HS3ST4: variants seen among roughly 807,000 people sequenced by gnomAD.
HS3ST4 encodes the protein heparan sulfate-glucosamine 3-sulfotransferase 4.
Under a neutral mutation model 29.2 loss-of-function variants are expected in HS3ST4, and 17 were observed. That is an observed-to-expected ratio of 0.58 (90% confidence interval 0.40 to 0.87). HS3ST4 has a LOEUF of 0.87. HS3ST4 is among the 40% of genes least tolerant of loss of function. HS3ST4 has a pLI of 0.00. For synonymous variants in HS3ST4, 314 were observed against 285.7 expected, an observed-to-expected ratio of 1.10 and a Z score of -1.00; for missense variants, 627 against 634.5, an observed-to-expected ratio of 0.99 and a Z score of 0.13.
intron 1 of HS3ST4, among the ~76,000 whole-genome samples, chr16:26,021,718 C>T (rs996878802): frequency 5.3e-5 from 8 of 152,086 alleles, no homozygotes; most frequent in Admixed American, 2.6e-4. Context: ...GGCTGGAGTG[C>T]AGTGGTGCGA....
At chr16:25,817,592 AGAAGAG>A (rs1967106808) in intron 1 of HS3ST4, among the ~76,000 whole-genome samples, 1 of 152,238 alleles carries the variant, frequency 6.6e-6, no homozygotes, top group Non-Finnish European at 1.5e-5. Context: ...GATGGTACCC[AGAAGAG>A]AGAAAGTATA....
intron 1 of HS3ST4, chr16:26,032,817 TG>T: frequency 6.4e-7 from 1 of 1,570,206 alleles, no homozygotes; most frequent in Non-Finnish European, 8.7e-7. Context: ...GGCATGGTGG[TG>T]GCGGCGACGG....
rs138849459 is a variant in HS3ST4, at chr16:25,799,574, C to A, written c.734+106423C>A. On this transcript the variant is annotated intron_variant, in intron 1 of 1. Transcript: ENST00000331351. ...ATCATATTATACCTGCTGCTCTCAGCACAGTTATTACCAATGTGAACTCTG... is the reference window on the plus strand; with the variant it reads ...ATCATATTATACCTGCTGCTCTCAGAACAGTTATTACCAATGTGAACTCTG... Among the ~76,000 whole-genome samples, 4 of 152,264 alleles carry A rather than the reference C, an allele frequency of 2.6e-5. No homozygotes were observed. In the East Asian group the frequency reaches 7.7e-4, roughly 29 times the overall value.
intron 1 of HS3ST4, among the ~76,000 whole-genome samples, chr16:26,040,380 T>G (rs2141758347): frequency 6.6e-6 from 1 of 151,858 alleles, no homozygotes; most frequent in Middle Eastern, 3.4e-3. Context: ...CGCTTCTCAC[T>G]GCAACATCTG....
intron 1 of HS3ST4, among the ~76,000 whole-genome samples, chr16:25,734,176 C>G (rs952441417): frequency 1.1e-4 from 16 of 152,224 alleles, no homozygotes; most frequent in Admixed American, 9.2e-4. Context: ...AGGTGTGCTT[C>G]TCTTTTCTGG....
In HS3ST4 at chr16:26,137,154, C is replaced by T. The variant is rs1262054344; in HGVS notation, c.*906C>T. 6.6e-6 allele frequency: 1 copy of T among 152,004 alleles called. No homozygotes were observed. The highest frequency in any genetic ancestry group is 2.4e-5 in the African/African-American group (1 of 41,386). The allele number at this position is 152,004 out of a possible 1,614,324, so 9.4% of individuals were successfully genotyped here. ...TCCTCTTGGTGGGAGGTTACCTTAC[C>T]TGAAGACCATCTCTCCCAAGCACTG... On this transcript the variant is annotated 3_prime_UTR_variant, in exon 2 of 2. Coordinates refer to ENST00000331351, the MANE Select transcript of HS3ST4 (RefSeq NM_006040.3).
intron 1 of HS3ST4, among the ~76,000 whole-genome samples, chr16:25,757,191 A>T (rs886695150): frequency 6.6e-6 from 1 of 152,174 alleles, no homozygotes; most frequent in Non-Finnish European, 1.5e-5. Flanking sequence ...CAGCCTGTGT[A>T]ACTGTACTTG....
intron 1 of HS3ST4, among the ~76,000 whole-genome samples, chr16:25,881,423 AAATTAAG>A (rs2141664210): frequency 6.6e-6 from 1 of 152,294 alleles, no homozygotes; most frequent in East Asian, 1.9e-4. Flanking sequence ...TAGACATGTA[AAATTAAG>A]ATGAAACTGT....
chr16:25,780,530 G>T (rs1239665280), intron 1 of HS3ST4, among the ~76,000 whole-genome samples: 1 of 152,176 alleles, frequency 6.6e-6, no homozygotes, highest in African/African-American at 2.4e-5. Flanking sequence ...TATTATTTAA[G>T]CCATCCCTAA....
intron 1 of HS3ST4, among the ~76,000 whole-genome samples, chr16:26,103,273 C>T (rs539676432): frequency 4.2e-4 from 64 of 152,004 alleles, no homozygotes; most frequent in Non-Finnish European, 7.1e-4. Context: ...AAATTGAGGC[C>T]CAAAACACAA....
intron 1 of HS3ST4, among the ~76,000 whole-genome samples, chr16:25,719,888 G>A (rs1183643429): frequency 6.6e-6 from 1 of 152,136 alleles, no homozygotes; most frequent in Non-Finnish European, 1.5e-5. Flanking sequence ...ATACACCAGT[G>A]AGCAAAACAA....
intron 1 of HS3ST4, among the ~76,000 whole-genome samples, chr16:25,877,627 C>T (rs1967846165): frequency 1.3e-5 from 2 of 152,140 alleles, no homozygotes; most frequent in African/African-American, 4.8e-5. Flanking sequence ...GGATTCTTAC[C>T]TAGAACCTTT....
chr16:25,706,387 A>G (rs1246024311), intron 1 of HS3ST4, among the ~76,000 whole-genome samples: 2 of 151,930 alleles, frequency 1.3e-5, no homozygotes, highest in African/African-American at 4.8e-5. Context: ...ATCTTTTTTA[A>G]TATATATATT....
At chr16:26,130,487 C>T (rs763589579) in intron 1 of HS3ST4, among the ~76,000 whole-genome samples, 1 of 152,134 alleles carries the variant, frequency 6.6e-6, no homozygotes, top group African/African-American at 2.4e-5. Flanking sequence ...ATGTCAGACA[C>T]TGTGTTTGGC....
intron 1 of HS3ST4, among the ~76,000 whole-genome samples, chr16:25,742,581 AT>A (rs1450567739): frequency 6.6e-6 from 1 of 152,228 alleles, no homozygotes; most frequent in Non-Finnish European, 1.5e-5. Flanking sequence ...TATTAGAAGA[AT>A]AAGGGTGAAT....
At chr16:26,003,832 A>G (rs987147875) in intron 1 of HS3ST4, among the ~76,000 whole-genome samples, 1 of 152,056 alleles carries the variant, frequency 6.6e-6, no homozygotes, top group Non-Finnish European at 1.5e-5. Flanking sequence ...CAGGGTGGGA[A>G]AAGTAGACTT....
intron 1 of HS3ST4, among the ~76,000 whole-genome samples, chr16:25,730,710 G>GTCCTTCCT (rs960872601): frequency 8.9e-6 from 1 of 112,512 alleles, no homozygotes; most frequent in Non-Finnish European, 1.8e-5. Context: ...CCTTCCTTCC[G>GTCCTTCCT]TCCTTCCTTC....
intron 1 of HS3ST4, among the ~76,000 whole-genome samples, chr16:25,892,349 A>G (rs1239410493): frequency 1.3e-5 from 2 of 151,968 alleles, no homozygotes; most frequent in Non-Finnish European, 1.5e-5. Flanking sequence ...AAACATTATG[A>G]CCCCGAACAC....
At chr16:25,864,110 A>T (rs1967667923) in intron 1 of HS3ST4, among the ~76,000 whole-genome samples, 1 of 152,354 alleles carries the variant, frequency 6.6e-6, no homozygotes, top group Non-Finnish European at 1.5e-5. Flanking sequence ...GACACCACTC[A>T]GGCTGGGCTA....
Sources: allele counts gnomAD v4.1 joint callset (sites outside exome capture counted in the v4.1 genomes callset), GRCh38; gene constraint gnomAD v4.1.1; transcripts MANE v1.5; gene names NCBI Gene and HGNC (gene_info 2026-07-23, HGNC 2026-07-21).